The following MMP16 variants were observed in gnomAD, a reference collection of about 807,000 sequenced individuals.
MMP16 encodes the protein matrix metallopeptidase 16.
MMP16 carries 12 observed loss-of-function variants against 67.8 expected under a neutral mutation model. The observed-to-expected ratio is 0.18, with a 90% CI of 0.11 to 0.29. MMP16 has a LOEUF of 0.29. MMP16 is among the 10% of genes least tolerant of loss of function. The pLI, the probability that MMP16 is intolerant of heterozygous loss-of-function variation, is 1.00. For synonymous variants in MMP16, 249 were observed against 255.9 expected, an observed-to-expected ratio of 0.97 and a Z score of 0.26; for missense variants, 475 against 765.7, an observed-to-expected ratio of 0.62 and a Z score of 4.48.
chr8:88,122,330 A>G (rs1807853537), intron 4 of MMP16, among the ~76,000 whole-genome samples: 1 of 151,956 alleles, frequency 6.6e-6, no homozygotes, highest in Admixed American at 6.6e-5. Flanking sequence ...ATTTTAAAAG[A>G]AAAATCAAAG....
intron 9 of MMP16, among the ~76,000 whole-genome samples, chr8:88,046,453 T>C (rs2118198911): frequency 6.6e-6 from 1 of 152,304 alleles, no homozygotes; most frequent in African/African-American, 2.4e-5. Flanking sequence ...CTTGTCTTTT[T>C]TCTAATGACT....
chr8:88,297,836 C>A (rs149118724), intron 1 of MMP16, among the ~76,000 whole-genome samples: 2 of 152,044 alleles, frequency 1.3e-5, no homozygotes, highest in Non-Finnish European at 2.9e-5. Context: ...AAAAATGGAA[C>A]GAGGTAATAT....
At chr8:88,191,941 T>A (rs1031682835) in intron 2 of MMP16, among the ~76,000 whole-genome samples, 7 of 152,114 alleles carry the variant, frequency 4.6e-5, no homozygotes, top group African/African-American at 1.2e-4. Context: ...ACCTTTACCA[T>A]GAGAAAAGAA....
intron 1 of MMP16, among the ~76,000 whole-genome samples, chr8:88,309,116 C>A (rs964725245): frequency 6.6e-6 from 1 of 151,994 alleles, no homozygotes; most frequent in African/African-American, 2.4e-5. Flanking sequence ...AAATATAGCC[C>A]TTAACGCAGT....
At chr8:88,125,757 T>C (rs902128824) in intron 4 of MMP16, among the ~76,000 whole-genome samples, 2 of 151,922 alleles carry the variant, frequency 1.3e-5, no homozygotes, top group African/African-American at 4.8e-5. Flanking sequence ...TTGTTTCCGA[T>C]TGAGCTCAGT....
chr8:88,221,444 T>G, intron 1 of MMP16, among the ~76,000 whole-genome samples: 1 of 151,768 alleles, frequency 6.6e-6, no homozygotes, highest in Admixed American at 6.6e-5. Flanking sequence ...GAAGAAAACC[T>G]CCAAAATGAG....
chr8:88,065,062 C>T (rs1808446670), intron 7 of MMP16, among the ~76,000 whole-genome samples: 1 of 152,100 alleles, frequency 6.6e-6, no homozygotes, highest in Admixed American at 6.6e-5. Context: ...CATTTTTGCT[C>T]TGCATGTGAG....
intron 6 of MMP16, among the ~76,000 whole-genome samples, chr8:88,099,621 A>G (rs1809100250): frequency 6.6e-6 from 1 of 151,840 alleles, no homozygotes; most frequent in Non-Finnish European, 1.5e-5. Flanking sequence ...AAGGTAAAAC[A>G]GTCTGGATCT....
Position 88,037,175 on chromosome 8 carries a change from C to T in MMP16, c.*4286G>A, listed in dbSNP as rs568106717. ...TGCAAATATGACTACCCCTACAATC[C>T]AGTTTACACACCATCATCTATGTAT... is the stretch of plus-strand genomic sequence containing the variant. On this transcript the variant is annotated 3_prime_UTR_variant, in exon 10 of 10. Transcript: ENST00000286614. 1 of 150,166 alleles carries T rather than the reference C, an allele frequency of 6.7e-6. No individual in the cohort carries two copies. Among genetic ancestry groups the T allele is most frequent in the South Asian group, 2.1e-4 (1 of 4,678 alleles). The allele number at this position is 150,166 out of a possible 1,614,324, so 9.3% of individuals were successfully genotyped here. A position where few individuals can be genotyped will look rare whatever the true frequency, so the allele number is the denominator to read the frequency against.
intron 1 of MMP16, among the ~76,000 whole-genome samples, chr8:88,281,981 C>A (rs979903694): frequency 1.3e-5 from 2 of 150,926 alleles, no homozygotes; most frequent in Non-Finnish European, 2.9e-5. Context: ...CCTTCCTGTT[C>A]TTGGTAACTA....
intron 1 of MMP16, among the ~76,000 whole-genome samples, chr8:88,258,405 G>GT (rs1310075119): frequency 1.3e-5 from 2 of 152,182 alleles, no homozygotes; most frequent in African/African-American, 4.8e-5. Flanking sequence ...TGAGTCGGCT[G>GT]TAAGGCATAC....
chr8:88,063,850 C>A (rs1386515897), intron 7 of MMP16, among the ~76,000 whole-genome samples: 1 of 152,046 alleles, frequency 6.6e-6, no homozygotes, highest in Non-Finnish European at 1.5e-5. Context: ...CATCACCTAA[C>A]ATTTTTAATG....
At chr8:88,144,073 A>T (rs1433004378) in intron 4 of MMP16, among the ~76,000 whole-genome samples, 1 of 151,962 alleles carries the variant, frequency 6.6e-6, no homozygotes, top group East Asian at 1.9e-4. Flanking sequence ...AGCTCTAAAT[A>T]AAAAGCTTTT....
chr8:88,169,832 C>G (rs1273485836), intron 3 of MMP16, among the ~76,000 whole-genome samples: 1 of 152,070 alleles, frequency 6.6e-6, no homozygotes, highest in Non-Finnish European at 1.5e-5. Context: ...TAAGGTAGGT[C>G]CCCGAAGGCC....
rs75914373 is a variant in MMP16, at chr8:88,258,677, C to T, written c.133-61371G>A. On this transcript the variant is annotated intron_variant, in intron 1 of 9. Coordinates refer to ENST00000286614, the MANE Select transcript of MMP16 (RefSeq NM_005941.5). ...TAATGGTTTACAATAAGAGGGAAGA[C>T]GGAGAGCTTACGACTCAGAAAACTA... Among the ~76,000 whole-genome samples, 120 of 152,260 alleles carry T rather than the reference C, an allele frequency of 7.9e-4. No individual in the cohort carries two copies. In the East Asian group the frequency reaches 0.021, roughly 26 times the overall value.
intron 4 of MMP16, among the ~76,000 whole-genome samples, chr8:88,149,777 A>G (rs1191824809): frequency 3.9e-5 from 6 of 152,000 alleles, no homozygotes; most frequent in Non-Finnish European, 8.8e-5. Context: ...CAGAACAGAA[A>G]AACTGGAAAC....
At position 88,039,301 on chromosome 8, in the gene MMP16, A is replaced by C. The variant is rs1808097416; in HGVS notation, c.*2160T>G. ...TACTAAAATGATGAATTTAGACTTG[A>C]AATTATATTAAAATGAAATTAAAAT... On this transcript the variant is annotated 3_prime_UTR_variant, in exon 10 of 10. Coordinates refer to ENST00000286614, the MANE Select transcript of MMP16 (RefSeq NM_005941.5). The surrounding 1 kb of genome is among the most constrained non-coding windows in gnomAD (Gnocchi z 4.5). 6.6e-6 allele frequency: 1 copy of C among 152,438 alleles called. No homozygotes were observed. The highest frequency in any genetic ancestry group is 6.6e-5 in the Admixed American group (1 of 15,234). 9.4% of individuals were successfully genotyped at this position (152,438 alleles called of 1,614,324 possible).
intron 4 of MMP16, among the ~76,000 whole-genome samples, chr8:88,149,262 A>G (rs866454950): frequency 4.3e-4 from 66 of 152,238 alleles, no homozygotes; most frequent in Admixed American, 4.6e-4. Flanking sequence ...ATCAAACTGC[A>G]AGGCGGCAGC....
chr8:88,118,220 A>G (rs1253613478), intron 5 of MMP16, among the ~76,000 whole-genome samples: 1 of 152,046 alleles, frequency 6.6e-6, no homozygotes, highest in Non-Finnish European at 1.5e-5. Flanking sequence ...TCTTGCATCT[A>G]TCACATAAGG....
Sources: gnomAD v4.1 joint callset for allele counts (sites outside exome capture counted in the v4.1 genomes callset) on GRCh38, gnomAD v4.1.1 for gene constraint, Gnocchi (gnomAD v3.1) non-coding constraint, MANE v1.5 for transcripts, NCBI Gene and HGNC (gene_info 2026-07-23, HGNC 2026-07-21) for gene names.